JARID2: variants seen among roughly 807,000 people sequenced by gnomAD.
The protein encoded by JARID2 is jumonji and AT-rich interaction domain containing 2.
Under a neutral mutation model 125.6 loss-of-function variants are expected in JARID2, and 21 were observed. The ratio of observed to expected loss-of-function variants is 0.17; its 90% CI spans 0.12 to 0.24. The LOEUF (loss-of-function observed/expected upper bound fraction) is 0.24. JARID2 is among the 10% of genes least tolerant of loss of function. The pLI is 1.00. For missense variants in JARID2, 1,303 were observed against 1,639.6 expected (o/e 0.79, Z 3.55); for synonymous variants, 736 against 661.6 (o/e 1.11, Z -1.73).
chr6:15,344,206 T>C (rs1414672705), intron 1 of JARID2, among the ~76,000 whole-genome samples: 2 of 145,664 alleles, frequency 1.4e-5, no homozygotes, highest in Non-Finnish European at 3.0e-5. Context: ...GGAAAGTAGA[T>C]GAAAGAGGGA....
intron 5 of JARID2, among the ~76,000 whole-genome samples, chr6:15,481,108 C>T (rs1322463715): frequency 2.0e-5 from 3 of 152,228 alleles, no homozygotes; most frequent in African/African-American, 7.2e-5. Flanking sequence ...GGGAGCAAAT[C>T]TTACCTTCTC....
At chr6:15,253,638 CCA>C (rs1759541079) in intron 1 of JARID2, among the ~76,000 whole-genome samples, 3 of 151,964 alleles carry the variant, frequency 2.0e-5, no homozygotes, top group Admixed American at 6.6e-5. Flanking sequence ...TACACTTGTA[CCA>C]CAGTTTGTCT....
chr6:15,275,523 CG>C (rs1760463630), intron 1 of JARID2, among the ~76,000 whole-genome samples: 4 of 24,294 alleles, frequency 1.6e-4, no homozygotes, highest in Non-Finnish European at 4.1e-4. Flanking sequence ...GTCCATTTAC[CG>C]CCCCCCCCGC....
intron 3 of JARID2, among the ~76,000 whole-genome samples, chr6:15,413,012 T>G (rs1443889667): frequency 1.0e-4 from 9 of 89,072 alleles, no homozygotes; most frequent in South Asian, 3.8e-4. Context: ...GTTTTTGTTT[T>G]TTTTTTTTTT....
intron 6 of JARID2, among the ~76,000 whole-genome samples, chr6:15,495,412 T>G (rs1015206461): frequency 3.3e-5 from 5 of 152,112 alleles, no homozygotes; most frequent in African/African-American, 1.2e-4. Context: ...TGGCATGTGT[T>G]GCTTCAACAG....
At chr6:15,443,555 CAGTT>C (rs1170083596) in intron 3 of JARID2, among the ~76,000 whole-genome samples, 1 of 152,102 alleles carries the variant, frequency 6.6e-6, no homozygotes, top group Non-Finnish European at 1.5e-5. Flanking sequence ...GTTTTACTGG[CAGTT>C]AGAAAGTTGG....
intron 1 of JARID2, among the ~76,000 whole-genome samples, chr6:15,265,532 A>G (rs1760050247): frequency 6.6e-6 from 1 of 151,938 alleles, no homozygotes; most frequent in Non-Finnish European, 1.5e-5. Context: ...TGTGAGATTT[A>G]TTTTGTGAAG....
chr6:15,490,900 A>G (rs1056558794), intron 6 of JARID2, among the ~76,000 whole-genome samples: 15 of 152,252 alleles, frequency 9.9e-5, no homozygotes, highest in African/African-American at 3.6e-4. Flanking sequence ...ATGTGGCCAC[A>G]TGTGATTCTC....
intron 1 of JARID2, chr6:15,368,648 G>A (rs781018084): frequency 1.4e-4 from 65 of 472,560 alleles, no homozygotes; most frequent in Non-Finnish European, 3.8e-5. Flanking sequence ...AAAGGAACTA[G>A]CATTACTTAG....
intron 1 of JARID2, among the ~76,000 whole-genome samples, chr6:15,263,421 T>C (rs1429050874): frequency 6.6e-6 from 1 of 152,170 alleles, no homozygotes; most frequent in African/African-American, 2.4e-5. Flanking sequence ...AAAATGGTTT[T>C]TATTTTTCTT....
chr6:15,438,640 AT>A (rs1374436918), intron 3 of JARID2, among the ~76,000 whole-genome samples: 1 of 152,148 alleles, frequency 6.6e-6, no homozygotes, highest in Non-Finnish European at 1.5e-5. Context: ...TTTCTCTTCA[AT>A]GGTGGCTTGC....
intron 2 of JARID2, among the ~76,000 whole-genome samples, chr6:15,392,039 GGTGTGTGTGTGTGTGTGTGT>G (rs55811028): frequency 3.3e-5 from 4 of 122,724 alleles, no homozygotes; most frequent in African/African-American, 6.2e-5. Flanking sequence ...ATCCCAGAGT[GGTGTGTGTGTGTGTGTGTGT>G]GTGTGTGTGT....
intron 5 of JARID2, among the ~76,000 whole-genome samples, chr6:15,470,423 C>A (rs759015398): frequency 6.6e-6 from 1 of 152,192 alleles, no homozygotes; most frequent in Non-Finnish European, 1.5e-5. Flanking sequence ...ACTGAGCTAC[C>A]ATTTGCCTTT....
chr6:15,307,524 A>G (rs564042830), intron 1 of JARID2, among the ~76,000 whole-genome samples: 1 of 152,188 alleles, frequency 6.6e-6, no homozygotes, highest in East Asian at 1.9e-4. Context: ...TTTTGTTTTT[A>G]GTACATTGCA....
intron 2 of JARID2, among the ~76,000 whole-genome samples, chr6:15,393,476 G>GAAGT (rs1765102232): frequency 1.3e-5 from 2 of 152,186 alleles, no homozygotes; most frequent in African/African-American, 4.8e-5. Context: ...TGTTGACACA[G>GAAGT]CCAGTTTCCC....
intron 12 of JARID2, chr6:15,509,208 T>C: frequency 8.2e-7 from 1 of 1,226,754 alleles, no homozygotes; most frequent in Non-Finnish European, 1.0e-6. Flanking sequence ...GGCTGGACTC[T>C]TTGGTGTCTT....
At chr6:15,400,869 A>C in intron 2 of JARID2, 1 of 1,286,190 alleles carries the variant, frequency 7.8e-7, no homozygotes, top group Non-Finnish European at 1.0e-6. Flanking sequence ...AGTGCTCCGG[A>C]GCCTGCCTCA....
chr6:15,263,916 A>G (rs527565254), intron 1 of JARID2, among the ~76,000 whole-genome samples: 2 of 152,196 alleles, frequency 1.3e-5, no homozygotes, highest in South Asian at 2.1e-4. Flanking sequence ...TTTTAGATAC[A>G]GGGTGTCGCT....
At chr6:15,350,703 C>T (rs1763392659) in intron 1 of JARID2, among the ~76,000 whole-genome samples, 1 of 146,036 alleles carries the variant, frequency 6.8e-6, no homozygotes, top group African/African-American at 2.5e-5. Context: ...ACATGGATTT[C>T]ATTTCAATGC....
Sources: allele counts gnomAD v4.1 joint callset (sites outside exome capture counted in the v4.1 genomes callset), GRCh38; gene constraint gnomAD v4.1.1; transcripts MANE v1.5; gene names NCBI Gene and HGNC (gene_info 2026-07-23, HGNC 2026-07-21).